The following ERLIN1 variants were observed in gnomAD, a reference collection of about 807,000 sequenced individuals.
The protein encoded by ERLIN1 is erlin-1.
ERLIN1 carries 24 observed loss-of-function variants against 46.9 expected under a neutral mutation model. The observed-to-expected ratio is 0.51, with a 90% CI of 0.37 to 0.72. ERLIN1 has a LOEUF of 0.72. ERLIN1 is among the 30% of genes least tolerant of loss of function. The pLI, the probability that ERLIN1 is intolerant of heterozygous loss-of-function variation, is 0.00. For missense variants in ERLIN1, 293 were observed against 417.9 expected, an observed-to-expected ratio of 0.70 and a Z score of 2.61; for synonymous variants, 158 against 143.2, an observed-to-expected ratio of 1.10 and a Z score of -0.74.
intron 4 of ERLIN1, among the ~76,000 whole-genome samples, chr10:100,177,717 C>T (rs910285369): frequency 1.3e-5 from 2 of 152,190 alleles, no homozygotes; most frequent in African/African-American, 4.8e-5. Context: ...GCTTTCCCCA[C>T]GTTGAAGGCT....
chr10:100,185,768 T>G lies in ERLIN1; in HGVS notation c.-142A>C. The G allele has an allele frequency of 4.6e-6, 3 of 656,838 alleles. No homozygotes were observed. The highest frequency in any genetic ancestry group is 8.2e-6 in the Non-Finnish European group (3 of 367,442). The allele number at this position is 656,838 out of a possible 1,614,324, so 40.7% of individuals were successfully genotyped here. On this transcript the variant is annotated 5_prime_UTR_variant, in exon 1 of 11. Coordinates refer to ENST00000421367, the MANE Select transcript of ERLIN1 (RefSeq NM_006459.4). ...CGGGGAGTCCAGTACCCCTGTCCCC[T>G]CATTCTTCCCTTCTGGCTGAGCCCG...
chr10:100,159,863 A>C (rs1843269143), intron 8 of ERLIN1, among the ~76,000 whole-genome samples: 1 of 151,576 alleles, frequency 6.6e-6, no homozygotes, highest in Admixed American at 6.6e-5. Context: ...AGAACAAATG[A>C]ACTAAAAAAA....
intron 3 of ERLIN1, 26 bp downstream of exon 3, chr10:100,179,175 G>A: frequency 1.3e-6 from 2 of 1,566,434 alleles, no homozygotes; most frequent in Non-Finnish European, 1.7e-6. Context: ...GCTAAAGGGA[G>A]GCTCGTAGGC....
At chr10:100,152,868 G>A (rs1842880452) in intron 10 of ERLIN1, among the ~76,000 whole-genome samples, 1 of 151,132 alleles carries the variant, frequency 6.6e-6, no homozygotes. Flanking sequence ...TTTTTTTTCT[G>A]GAGATGAGAT....
intron 2 of ERLIN1, among the ~76,000 whole-genome samples, chr10:100,179,749 G>A (rs1338979297): frequency 6.6e-6 from 1 of 152,162 alleles, no homozygotes; most frequent in East Asian, 1.9e-4. Context: ...GAGCCACTGT[G>A]CCTGGCCTAC....
intron 6 of ERLIN1, among the ~76,000 whole-genome samples, chr10:100,168,825 A>T (rs911761577): frequency 6.6e-6 from 1 of 151,968 alleles, no homozygotes; most frequent in East Asian, 1.9e-4. Context: ...GATTACAGGC[A>T]TGCGCCACCA....
chr10:100,155,515 A>AT lies in ERLIN1; in HGVS notation c.746-577dup, dbSNP rs1242787384. On this transcript the variant is annotated intron_variant, in intron 9 of 10. Transcript: ENST00000421367. ...TCGTGATGGGGTTTATTTATTTTTA[A>AT]TTTTTTTTTTATTTTTTGAGACGGA... 1.1e-3 allele frequency among the ~76,000 whole-genome samples: 146 copies of AT among 131,216 alleles called. 1 individual carries two copies. Among genetic ancestry groups the AT allele is most frequent in the Admixed American group, 1.9e-3 (25 of 13,420 alleles). The allele number at this position is 131,216 out of a possible 152,430, so 86.1% of individuals were successfully genotyped here. A position where few individuals can be genotyped will look rare whatever the true frequency, so the allele number is the denominator to read the frequency against.
At chr10:100,176,724 C>T (rs1205165881) in intron 4 of ERLIN1, among the ~76,000 whole-genome samples, 1 of 152,162 alleles carries the variant, frequency 6.6e-6, no homozygotes, top group Admixed American at 6.5e-5. Flanking sequence ...TAGACCACGT[C>T]AGAACCTGTT....
At chr10:100,155,126 ACT>A (rs751984428) in intron 9 of ERLIN1, among the ~76,000 whole-genome samples, 187 bp from the exon 10 acceptor site, 10 of 151,876 alleles carry the variant, frequency 6.6e-5, no homozygotes, top group Admixed American at 1.3e-4. Context: ...CTGTCAAATA[ACT>A]CTCAGCTCAT....
chr10:100,178,070 A>C (rs910304107), intron 4 of ERLIN1, 63 bp downstream of exon 4: 30 of 1,017,022 alleles, frequency 2.9e-5, no homozygotes, highest in Non-Finnish European at 4.5e-5. Flanking sequence ...TTCCTCAAAG[A>C]ATCTCTCAGC....
At chr10:100,184,617 T>G (rs1712027138) in intron 1 of ERLIN1, among the ~76,000 whole-genome samples, 1 of 152,244 alleles carries the variant, frequency 6.6e-6, no homozygotes, top group South Asian at 2.1e-4. Context: ...TTACTAATTC[T>G]TTGAGTCATT....
chr10:100,169,943 A>G (rs1429009472), intron 6 of ERLIN1, among the ~76,000 whole-genome samples: 1 of 152,110 alleles, frequency 6.6e-6, no homozygotes, highest in Non-Finnish European at 1.5e-5. Context: ...ACTTGAGCCC[A>G]GGAGTTCAAG....
chr10:100,185,109 G>A (rs541718047), intron 1 of ERLIN1, among the ~76,000 whole-genome samples: 1 of 152,024 alleles, frequency 6.6e-6, no homozygotes, highest in East Asian at 1.9e-4. Context: ...CCAGACACTG[G>A]AAGCTTTTAA....
intron 3 of ERLIN1, among the ~76,000 whole-genome samples, chr10:100,178,433 T>C (rs1201902072): frequency 6.6e-6 from 1 of 152,264 alleles, no homozygotes; most frequent in African/African-American, 2.4e-5. Context: ...CATTCTTCTT[T>C]TGATACAATT....
chr10:100,185,400 T>C lies in ERLIN1; in HGVS notation c.113+114A>G, dbSNP rs767999983. 117 of 805,512 alleles carry C rather than the reference T, an allele frequency of 1.5e-4. 1 individual carries two copies. The highest frequency in any genetic ancestry group is 2.1e-4 in the Non-Finnish European group (102 of 476,466). 49.9% of individuals were successfully genotyped at this position (805,512 alleles called of 1,614,324 possible). ...CCCGCTTCGACCCCCGTGCTCTCCC[T>C]AGAGATGGGACATGCGCCCCCGAAC... On this transcript the variant is annotated intron_variant, in intron 1 of 10. Transcript: ENST00000421367.
chr10:100,160,370 C>A (rs1325178769), intron 8 of ERLIN1, among the ~76,000 whole-genome samples: 2 of 151,778 alleles, frequency 1.3e-5, no homozygotes, highest in African/African-American at 2.4e-5. Flanking sequence ...ATGTGATATA[C>A]AATAGAACAC....
chr10:100,175,273 T>C (rs1011001729), intron 5 of ERLIN1, among the ~76,000 whole-genome samples: 6 of 152,196 alleles, frequency 3.9e-5, no homozygotes, highest in East Asian at 1.9e-4. Context: ...GCTAATACAA[T>C]TGACTTGCTG....
chr10:100,184,894 T>C (rs1007346917), intron 1 of ERLIN1, among the ~76,000 whole-genome samples: 2 of 152,170 alleles, frequency 1.3e-5, no homozygotes, highest in Non-Finnish European at 2.9e-5. Context: ...TACTAGTCTG[T>C]ATCAAAAGGA....
At chr10:100,177,920 C>G (rs905251752) in intron 4 of ERLIN1, among the ~76,000 whole-genome samples, 3 of 152,186 alleles carry the variant, frequency 2.0e-5, no homozygotes, top group Non-Finnish European at 4.4e-5. Context: ...CTTAGAAACA[C>G]TAAGCTCAGA....
Sources: gnomAD v4.1 joint callset for allele counts (sites outside exome capture counted in the v4.1 genomes callset) on GRCh38, gnomAD v4.1.1 for gene constraint, MANE v1.5 for transcripts, NCBI Gene and HGNC (gene_info 2026-07-23, HGNC 2026-07-21) for gene names.